Variants in HHLA2 observed in about 807,000 individuals in gnomAD.
HHLA2 encodes HHLA2 member of B7 family.
HHLA2 carries 48 observed loss-of-function variants against 45.9 expected under a neutral mutation model. That is an observed-to-expected ratio of 1.05 (90% confidence interval 0.83 to 1.33). The LOEUF is 1.33. HHLA2 is among the 40% of genes most tolerant of loss of function. HHLA2 has a pLI of 0.00. For missense variants in HHLA2, 462 were observed against 494.3 expected (o/e 0.93, Z 0.62); for synonymous variants, 161 against 173.9 (o/e 0.93, Z 0.59).
chr3:108,351,917 A>G (rs748796657), intron 4 of HHLA2, 40 bp downstream of exon 3: 1 of 1,376,734 alleles, frequency 7.3e-7, no homozygotes, highest in Non-Finnish European at 1.0e-6. Flanking sequence ...TATTTGCATT[A>G]TCAGATAGAA....
At chr3:108,299,805 C>T (rs77106817) in intron 1 of HHLA2, among the ~76,000 whole-genome samples, 30 of 152,182 alleles carry the variant, frequency 2.0e-4, no homozygotes, top group Admixed American at 8.5e-4. Context: ...TATTGACATT[C>T]GCTAGGTACC....
intron 1 of HHLA2, among the ~76,000 whole-genome samples, chr3:108,306,136 C>G (rs1216765377): frequency 6.6e-6 from 1 of 152,196 alleles, no homozygotes; most frequent in African/African-American, 2.4e-5. Flanking sequence ...CCTGACGTTC[C>G]TTTCACTCCA....
intron 1 of HHLA2, among the ~76,000 whole-genome samples, chr3:108,297,512 T>C (rs1371726829): frequency 1.3e-5 from 2 of 152,172 alleles, no homozygotes; most frequent in African/African-American, 2.4e-5. Flanking sequence ...ATCTGTAAAA[T>C]GGGGGTAGAC....
chr3:108,341,983 A>C (rs1051237522), intron 3 of HHLA2, among the ~76,000 whole-genome samples: 1 of 152,172 alleles, frequency 6.6e-6, no homozygotes, highest in Non-Finnish European at 1.5e-5. Context: ...CTGCTCTTGC[A>C]TCCAATTTAG....
exon 7 of HHLA2, chr3:108,357,933 A>G (rs2081924390): frequency 6.2e-7 from 1 of 1,613,692 alleles, no homozygotes; most frequent in Admixed American, 1.7e-5. Context: ...CTTCAAAGTT[A>G]CTTGGTCCAG....
chr3:108,373,997 C>T (rs1404757489), intron 8 of HHLA2, among the ~76,000 whole-genome samples: 6 of 150,778 alleles, frequency 4.0e-5, no homozygotes, highest in Non-Finnish European at 7.4e-5. Context: ...TCATATGGAA[C>T]CAAAAAAGAG....
intron 3 of HHLA2, among the ~76,000 whole-genome samples, chr3:108,344,610 C>T (rs1361680887): frequency 6.6e-6 from 1 of 152,136 alleles, no homozygotes; most frequent in Non-Finnish European, 1.5e-5. Context: ...GTGCCATGGG[C>T]ATCTAGCAAT....
chr3:108,337,362 G>A (rs745768690), intron 3 of HHLA2, among the ~76,000 whole-genome samples: 7 of 152,160 alleles, frequency 4.6e-5, no homozygotes, highest in Non-Finnish European at 8.8e-5. Context: ...TTAATGAGCA[G>A]TGGCCTTGTG....
At chr3:108,375,645 G>C in intron 8 of HHLA2, 105 bp from the exon 8 acceptor site, 2 of 1,392,490 alleles carry the variant, frequency 1.4e-6, no homozygotes, top group Non-Finnish European at 1.9e-6. Context: ...AAGAACCAGA[G>C]AGTGACTTTC....
intron 6 of HHLA2, among the ~76,000 whole-genome samples, chr3:108,356,328 C>T (rs920043282): frequency 1.3e-5 from 2 of 152,134 alleles, no homozygotes; most frequent in South Asian, 4.1e-4. Context: ...CCGTGCCCAG[C>T]CTGTTTTTCA....
intron 5 of HHLA2, among the ~76,000 whole-genome samples, chr3:108,354,092 C>T (rs542416072): frequency 6.6e-6 from 1 of 152,214 alleles, no homozygotes; most frequent in South Asian, 2.1e-4. Flanking sequence ...CTGATACTAG[C>T]AGCATAAGAC....
chr3:108,301,872 G>A (rs59158075), intron 1 of HHLA2, among the ~76,000 whole-genome samples: 9,468 of 152,026 alleles, frequency 0.062, 431 homozygotes, highest in East Asian at 0.23. Context: ...GGTTTCATCC[G>A]AGTGACTCGA....
In HHLA2 at chr3:108,349,211, T is replaced by A. The variant is rs200387873; in HGVS notation, c.-26-2577T>A. Among the ~76,000 whole-genome samples the A allele has an allele frequency of 4.0e-3, 565 of 142,358 alleles. 3 individuals carry two copies. The highest frequency in any genetic ancestry group is 7.3e-3 in the Middle Eastern group (2 of 274). 93.4% of individuals were successfully genotyped at this position (142,358 alleles called of 152,430 possible). A position where few individuals can be genotyped will look rare whatever the true frequency, so the allele number is the denominator to read the frequency against. On this transcript the variant is annotated intron_variant, in intron 3 of 10. Coordinates refer to ENST00000619531, the Ensembl canonical transcript of HHLA2. ...CAATGAATCCAAGAGCTGTTTTTTT[T>A]AAAAAAAAAAATCAACAAAATAGAT...
At position 108,321,091 on chromosome 3, in the gene HHLA2, T is replaced by TAAAAAAAAAAAAAAAAAAAAAAAA. The variant is rs67374827; in HGVS notation, c.-104-7158_-104-7157insAAAAAAAAAAAAAAAAAAAAAAAA. On this transcript the variant is annotated intron_variant, in intron 2 of 10. Coordinates refer to ENST00000619531, the Ensembl canonical transcript of HHLA2. ...TCACCAGAACATTTCTCCAGGTGTT[T>TAAAAAAAAAAAAAAAAAAAAAAAA]AAAAAAAAAAAAAAAAAAAAAGACT... 1.4e-3 allele frequency among the ~76,000 whole-genome samples: 140 copies of TAAAAAAAAAAAAAAAAAAAAAAAA among 101,394 alleles called. 14 individuals carry two copies. The highest frequency in any genetic ancestry group is 3.8e-3 in the South Asian group (10 of 2,642). 66.5% of individuals were successfully genotyped at this position (101,394 alleles called of 152,430 possible).
intron 3 of HHLA2, among the ~76,000 whole-genome samples, chr3:108,335,126 T>C (rs971819799): frequency 5.3e-5 from 8 of 152,342 alleles, no homozygotes; most frequent in Non-Finnish European, 1.0e-4. Context: ...AAAATGTATC[T>C]GAGTGAGTCA....
chr3:108,351,767 C>T (rs1560245865), intron 3 of HHLA2, 21 bp from the exon 3 acceptor site: 5 of 1,504,890 alleles, frequency 3.3e-6, no homozygotes, highest in Middle Eastern at 1.7e-4. Context: ...ATAACATGTG[C>T]ACTTTACTTC....
intron 3 of HHLA2, among the ~76,000 whole-genome samples, chr3:108,329,010 A>G (rs900702716): frequency 1.1e-4 from 16 of 152,170 alleles, no homozygotes; most frequent in African/African-American, 1.4e-4. Context: ...TCTCTCCACA[A>G]TGACTGCTCA....
Position 108,355,108 on chromosome 3 carries a change from T to C in HHLA2, c.419-7T>C, listed in dbSNP as rs1169477790. The C allele has an allele frequency of 6.2e-7, 1 of 1,609,150 alleles. No homozygotes were observed. The highest frequency in any genetic ancestry group is 1.3e-5 in the African/African-American group (1 of 74,898). ...GTTTTTCATGCGCCCTTCTTTCTCCTATGTAGTTTTTCTCACACCCGTGAT... is the reference window on the plus strand; with the variant it reads ...GTTTTTCATGCGCCCTTCTTTCTCCCATGTAGTTTTTCTCACACCCGTGAT... On this transcript the variant is annotated splice_polypyrimidine_tract_variant and splice_region_variant and intron_variant, in intron 5 of 10. Transcript: ENST00000619531.
At chr3:108,377,004 G>A (rs2107524687) in intron 10 of HHLA2, 1 of 436,904 alleles carries the variant, frequency 2.3e-6, no homozygotes, top group East Asian at 3.4e-5. Context: ...GTATAAATAA[G>A]GGCCAGGAGT....
Sources: allele counts gnomAD v4.1 joint callset (sites outside exome capture counted in the v4.1 genomes callset), GRCh38; gene constraint gnomAD v4.1.1; transcripts MANE v1.5; gene names NCBI Gene and HGNC (gene_info 2026-07-23, HGNC 2026-07-21).